Variants in ARHGAP26 observed in about 807,000 individuals in gnomAD.
ARHGAP26 encodes the protein Rho GTPase activating protein 26, also known as rho GTPase-activating protein 26.
ARHGAP26 carries 38 observed loss-of-function variants against 104.8 expected under a neutral mutation model. The ratio of observed to expected loss-of-function variants is 0.36; its 90% CI spans 0.28 to 0.48. The LOEUF (loss-of-function observed/expected upper bound fraction) is 0.48. Ranked by LOEUF, ARHGAP26 falls within the 20% of genes least tolerant of loss-of-function variation. ARHGAP26 has a pLI of 0.99. For synonymous variants in ARHGAP26, 341 were observed against 340.0 expected, an observed-to-expected ratio of 1.00 and a Z score of -0.03; for missense variants, 704 against 947.9, an observed-to-expected ratio of 0.74 and a Z score of 3.38.
At chr5:142,968,511 A>G (rs567894210) in intron 11 of ARHGAP26, among the ~76,000 whole-genome samples, 1 of 152,380 alleles carries the variant, frequency 6.6e-6, no homozygotes, top group African/African-American at 2.4e-5. Context: ...TGGAAGTAGT[A>G]TGAGAATAAT....
intron 11 of ARHGAP26, among the ~76,000 whole-genome samples, chr5:142,963,163 GGTATATATGTATATATATAT>G (rs1210750049): frequency 1.8e-5 from 2 of 112,168 alleles, no homozygotes; most frequent in African/African-American, 8.7e-5. Flanking sequence ...AGTATTCCAT[GGTATATATGTATATATATAT>G]ATATATATAT....
At chr5:142,841,099 C>T (rs150789138) in intron 1 of ARHGAP26, among the ~76,000 whole-genome samples, 48 of 152,220 alleles carry the variant, frequency 3.2e-4, no homozygotes, top group Middle Eastern at 3.4e-3. Flanking sequence ...ATTTCCTTTC[C>T]TCATCTTACC....
At chr5:142,983,919 G>A (rs564797093) in intron 11 of ARHGAP26, among the ~76,000 whole-genome samples, 2 of 152,310 alleles carry the variant, frequency 1.3e-5, no homozygotes, top group South Asian at 4.1e-4. Context: ...CAGTTTAGCA[G>A]TGAGTTTTGC....
At chr5:142,798,998 A>T (rs139023168) in intron 1 of ARHGAP26, among the ~76,000 whole-genome samples, 1 of 152,308 alleles carries the variant, frequency 6.6e-6, no homozygotes, top group African/African-American at 2.4e-5. Context: ...GCATGGAAAC[A>T]GCCCTGTTTA....
At chr5:142,873,580 G>A in intron 2 of ARHGAP26, 85 bp downstream of exon 2, 3 of 924,942 alleles carry the variant, frequency 3.2e-6, no homozygotes, top group East Asian at 2.9e-5. Context: ...CCCTGAGATA[G>A]GAAGTCTCTA....
chr5:143,195,321 A>G (rs1806647478), intron 20 of ARHGAP26, among the ~76,000 whole-genome samples: 1 of 152,210 alleles, frequency 6.6e-6, no homozygotes, highest in East Asian at 1.9e-4. Context: ...CTCCAGGGTT[A>G]CCTGTAAGCT....
intron 20 of ARHGAP26, among the ~76,000 whole-genome samples, chr5:143,183,670 G>T (rs1183888670): frequency 2.6e-5 from 4 of 152,182 alleles, no homozygotes; most frequent in African/African-American, 9.7e-5. Context: ...TTCCCCCGGG[G>T]CCTCCTCGGA....
At chr5:143,147,471 C>G (rs1256397746) in intron 20 of ARHGAP26, 90 bp downstream of exon 20, 5 of 1,436,300 alleles carry the variant, frequency 3.5e-6, no homozygotes, top group Non-Finnish European at 4.7e-6. Flanking sequence ...TGACTTTGGA[C>G]CATTATCCCC....
chr5:142,771,652 C>T (rs1755235259), intron 1 of ARHGAP26, among the ~76,000 whole-genome samples: 1 of 152,198 alleles, frequency 6.6e-6, no homozygotes, highest in Non-Finnish European at 1.5e-5. Context: ...TCTCCTGCTC[C>T]CAAGCTCTCC....
intron 20 of ARHGAP26, among the ~76,000 whole-genome samples, chr5:143,147,990 A>C (rs1469576433): frequency 6.6e-6 from 1 of 152,174 alleles, no homozygotes; most frequent in East Asian, 1.9e-4. Flanking sequence ...CCTCCACAGA[A>C]ACTAGGTCTA....
At chr5:143,052,057 A>G (rs1447542057) in intron 14 of ARHGAP26, among the ~76,000 whole-genome samples, 1 of 152,222 alleles carries the variant, frequency 6.6e-6, no homozygotes, top group African/African-American at 2.4e-5. Flanking sequence ...CAAGATGGCA[A>G]AGACACAAAT....
In ARHGAP26 at chr5:142,879,253, A is replaced by G. The variant is rs189594555; in HGVS notation, c.313-121A>G. The G allele has an allele frequency of 1.3e-4, 118 of 880,550 alleles. 1 individual carries two copies. The East Asian group carries it at 2.8e-3, about 21-fold the overall frequency. 54.5% of individuals were successfully genotyped at this position (880,550 alleles called of 1,614,324 possible). A position where few individuals can be genotyped will look rare whatever the true frequency, so the allele number is the denominator to read the frequency against. ...AAGGTTGTAAACAGTTGACATGTAC[A>G]ACACTGCCTCCCCAAATTTTATTTT... is the stretch of plus-strand genomic sequence containing the variant. On this transcript the variant is annotated intron_variant, in intron 3 of 22. Transcript: ENST00000645722.
In ARHGAP26 at chr5:142,854,997, A is replaced by G. The variant is rs533544917; in HGVS notation, c.155-18403A>G. On this transcript the variant is annotated intron_variant, in intron 1 of 22. Transcript: ENST00000645722. Reference sequence around the variant, plus strand: ...TCCTTCCCTTGCCTCCACATCATATATGACAGTAAAGTGTTTAGAGTCAGC... The same window carrying G: ...TCCTTCCCTTGCCTCCACATCATATGTGACAGTAAAGTGTTTAGAGTCAGC... Among the ~76,000 whole-genome samples the G allele has an allele frequency of 5.9e-5, 9 of 152,268 alleles. No homozygotes were observed. In the East Asian group the frequency reaches 1.7e-3, roughly 29 times the overall value.
intron 19 of ARHGAP26, among the ~76,000 whole-genome samples, chr5:143,136,620 G>T (rs1490894389): frequency 6.6e-6 from 1 of 152,220 alleles, no homozygotes; most frequent in Non-Finnish European, 1.5e-5. Context: ...AAGGCACCCT[G>T]TGGGGGGGCA....
At position 142,972,114 on chromosome 5, in the gene ARHGAP26, G is replaced by A. The variant is rs896481409; in HGVS notation, c.1107+39989G>A. ...GGAGAATTGCTTGAACCTGCGAGGC[G>A]GAGGTTGCAGTGAGCCGAAATTGTG... On this transcript the variant is annotated intron_variant, in intron 11 of 22. Transcript: ENST00000645722. 3.9e-5 allele frequency among the ~76,000 whole-genome samples: 6 copies of A among 151,940 alleles called. No homozygotes were observed. The East Asian group carries it at 9.6e-4, about 24-fold the overall frequency.
chr5:143,077,410 A>G (rs1348645699), intron 17 of ARHGAP26, among the ~76,000 whole-genome samples: 1 of 152,102 alleles, frequency 6.6e-6, no homozygotes, highest in Non-Finnish European at 1.5e-5. Context: ...ACCCAGAGAG[A>G]TCTGACATAG....
intron 11 of ARHGAP26, chr5:142,946,834 T>G (rs1170708661): frequency 3.3e-5 from 5 of 152,174 alleles, no homozygotes; most frequent in Admixed American, 2.0e-4. Flanking sequence ...CCCAAAATCC[T>G]GCCCCATGAC....
At chr5:142,984,710 CCTAT>C (rs1375965636) in intron 11 of ARHGAP26, among the ~76,000 whole-genome samples, 1 of 152,072 alleles carries the variant, frequency 6.6e-6, no homozygotes, top group African/African-American at 2.4e-5. Context: ...CTAAAAAATT[CCTAT>C]CTCTTAGTGC....
chr5:142,891,746 G>A (rs1003350381), intron 5 of ARHGAP26, among the ~76,000 whole-genome samples: 7 of 152,008 alleles, frequency 4.6e-5, no homozygotes, highest in East Asian at 1.9e-4. Flanking sequence ...GTTATAGAAC[G>A]GTTTCTGACT....
Sources: allele counts gnomAD v4.1 joint callset (sites outside exome capture counted in the v4.1 genomes callset), GRCh38; gene constraint gnomAD v4.1.1; transcripts MANE v1.5; gene names NCBI Gene and HGNC (gene_info 2026-07-23, HGNC 2026-07-21).